Variants in DFFA observed in about 807,000 individuals in gnomAD.
DFFA encodes the protein DFF45.
DFFA carries 14 observed loss-of-function variants against 28.0 expected under a neutral mutation model. The observed-to-expected ratio is 0.50, with a 90% CI of 0.33 to 0.78. The LOEUF (loss-of-function observed/expected upper bound fraction) is 0.78. DFFA is among the 30% of genes least tolerant of loss of function. DFFA has a pLI of 0.02. For synonymous variants in DFFA, 158 were observed against 170.3 expected (o/e 0.93, Z 0.56); for missense variants, 395 against 407.1 (o/e 0.97, Z 0.26).
Position 10,461,364 on chromosome 1 carries a change from T to C in DFFA, c.*126A>G, listed in dbSNP as rs1640933907. 3 of 1,431,608 alleles carry C rather than the reference T, an allele frequency of 2.1e-6. No individual in the cohort carries two copies. Among genetic ancestry groups the C allele is most frequent in the South Asian group, 1.5e-5 (1 of 67,720 alleles). The allele number at this position is 1,431,608 out of a possible 1,614,324, so 88.7% of individuals were successfully genotyped here. On this transcript the variant is annotated 3_prime_UTR_variant, in exon 6 of 6. Coordinates refer to ENST00000377038, the MANE Select transcript of DFFA (RefSeq NM_004401.3). ...GAACGGCGTATGTTGAGACCTGGAA[T>C]AGCTTCTCTGGAAGGTGCTCTAAGG...
intron 5 of DFFA, chr1:10,462,390 C>T: frequency 1.0e-6 from 1 of 984,588 alleles, no homozygotes; most frequent in Non-Finnish European, 1.2e-6. Flanking sequence ...CCTCGGCCTC[C>T]CAAAGTACTG....
chr1:10,457,050 G>C lies in DFFA; in HGVS notation c.*4440C>G, dbSNP rs1166330803. 6.6e-6 allele frequency: 1 copy of C among 152,228 alleles called. No homozygotes were observed. Among genetic ancestry groups the C allele is most frequent in the Non-Finnish European group, 1.5e-5 (1 of 68,088 alleles). 9.4% of individuals were successfully genotyped at this position (152,228 alleles called of 1,614,324 possible). ...TCCAGCACCCCATCTGTCTGCCCCT[G>C]AGAAACGAAAGAGAACCACTCTCCA... On this transcript the variant is annotated 3_prime_UTR_variant, in exon 6 of 6. Transcript: ENST00000377038.
At chr1:10,462,151 C>A (rs545088578) in intron 5 of DFFA, among the ~76,000 whole-genome samples, 1 of 152,032 alleles carries the variant, frequency 6.6e-6, no homozygotes, top group Non-Finnish European at 1.5e-5. Flanking sequence ...AGCCACCGCG[C>A]CCAGCCTGCC....
Position 10,472,371 on chromosome 1 carries a change from C to G in DFFA, c.88G>C (p.Glu30Gln), listed in dbSNP as rs201448489. 2 of 1,611,840 alleles carry G rather than the reference C, an allele frequency of 1.2e-6. No homozygotes were observed. The highest frequency in any genetic ancestry group is 1.3e-5 in the African/African-American group (1 of 74,958). The stretch of plus-strand genomic sequence containing the variant: ...CAGGAGGCGGCCACGCCGTGCTGTT[C>G]GCGGCTGTAGTTGCGGCGCAGCAGA... Reference protein sequence around the residue: ...PCLLRRNYSREQHGVAASCLE... With the variant: ...PCLLRRNYSRQQHGVAASCLE... Residue 30 changes from glutamate to glutamine, a missense_variant, in exon 1 of 6, where the codon GAA (glutamate) becomes CAA (glutamine). Physicochemically the swap from Glu to Gln is conservative, Grantham distance 29. Coordinates refer to ENST00000377038, the MANE Select transcript of DFFA (RefSeq NM_004401.3). The surrounding 1 kb of genome is among the most constrained non-coding windows in gnomAD (Gnocchi z 5.0).
At position 10,458,817 on chromosome 1, in the gene DFFA, G is replaced by T. The variant is rs944709465; in HGVS notation, c.*2673C>A. 1 of 152,008 alleles carries T rather than the reference G, an allele frequency of 6.6e-6. No individual in the cohort carries two copies. The highest frequency in any genetic ancestry group is 2.4e-5 in the African/African-American group (1 of 41,376). The allele number at this position is 152,008 out of a possible 1,614,324, so 9.4% of individuals were successfully genotyped here. On this transcript the variant is annotated 3_prime_UTR_variant, in exon 6 of 6. Transcript: ENST00000377038. ...CTCCCAAAGTGCTGGGACTGCAGGT[G>T]TGAGCCACTGCGCCCGGCCTATTGT...
In DFFA at chr1:10,461,712, G is replaced by T. The variant is rs370194873; in HGVS notation, c.784-10C>A. Reference sequence around the variant, plus strand: ...CTTCCTTGGTAACCAACTGCAGCAAGAATAAAAACCCCTGAGAACTGGGCC... The same window carrying T: ...CTTCCTTGGTAACCAACTGCAGCAATAATAAAAACCCCTGAGAACTGGGCC... On this transcript the variant is annotated splice_polypyrimidine_tract_variant and intron_variant, in intron 5 of 5. Coordinates refer to ENST00000377038, the MANE Select transcript of DFFA (RefSeq NM_004401.3). 4.0e-5 allele frequency: 65 copies of T among 1,613,922 alleles called. No homozygotes were observed. In the African/African-American group the frequency reaches 7.3e-4, roughly 18 times the overall value.
chr1:10,465,803 T>C (rs1188530), intron 3 of DFFA, among the ~76,000 whole-genome samples: 138,608 of 151,790 alleles, frequency 0.91, 63,386 homozygotes, highest in Middle Eastern at 0.98. Flanking sequence ...GTGATCCTTC[T>C]GCCTCAGTTT....
At chr1:10,469,069 A>C in intron 2 of DFFA, 108 bp downstream of exon 2, 1 of 1,210,506 alleles carries the variant, frequency 8.3e-7, no homozygotes, top group Admixed American at 1.9e-5. Flanking sequence ...ATATCTGTTG[A>C]ACAAATGCTT....
rs1014529550 is a variant in DFFA at position 10,461,345 on chromosome 1, C to A, written c.*145G>T. On this transcript the variant is annotated 3_prime_UTR_variant, in exon 6 of 6. Coordinates refer to ENST00000377038, the MANE Select transcript of DFFA (RefSeq NM_004401.3). The stretch of plus-strand genomic sequence containing the variant: ...GCTAAAAAAAAAATTGGTGGAACGG[C>A]GTATGTTGAGACCTGGAATAGCTTC... 2 of 1,381,252 alleles carry A rather than the reference C, an allele frequency of 1.4e-6. No individual in the cohort carries two copies. The highest frequency in any genetic ancestry group is 5.1e-5 in the East Asian group (2 of 39,490). The allele number at this position is 1,381,252 out of a possible 1,614,324, so 85.6% of individuals were successfully genotyped here. A position where few individuals can be genotyped will look rare whatever the true frequency, so the allele number is the denominator to read the frequency against.
chr1:10,461,811 C>A, intron 5 of DFFA, 109 bp from the exon 6 acceptor site: 1 of 1,502,122 alleles, frequency 6.7e-7, no homozygotes, highest in Non-Finnish European at 8.9e-7. Context: ...GTTTATGTTA[C>A]CTCTTTACAC....
chr1:10,459,837 C>A lies in DFFA; in HGVS notation c.*1653G>T, dbSNP rs1640902868. The stretch of plus-strand genomic sequence containing the variant: ...TCAAGTGATACTCTCGCCTTAGCCT[C>A]CAGAGTAGCTAGGATTATAGGTCAG... On this transcript the variant is annotated 3_prime_UTR_variant, in exon 6 of 6. Coordinates refer to ENST00000377038, the MANE Select transcript of DFFA (RefSeq NM_004401.3). The A allele has an allele frequency of 6.6e-6, 1 of 151,954 alleles. No individual in the cohort carries two copies. The highest frequency in any genetic ancestry group is 2.4e-5 in the African/African-American group (1 of 41,360). The allele number at this position is 151,954 out of a possible 1,614,324, so 9.4% of individuals were successfully genotyped here.
chr1:10,462,769 C>T, intron 5 of DFFA: 1 of 1,260,858 alleles, frequency 7.9e-7, no homozygotes, highest in South Asian at 2.0e-5. Flanking sequence ...GAAGCCATCT[C>T]AGAAGATTGG....
chr1:10,462,830 A>C, intron 5 of DFFA: 1 of 1,384,328 alleles, frequency 7.2e-7, no homozygotes, highest in Non-Finnish European at 9.4e-7. Flanking sequence ...CCAACCTTGG[A>C]CCAGAGTCTG....
chr1:10,463,400 TCA>T, intron 4 of DFFA, 29 bp downstream of exon 4: 1 of 1,586,216 alleles, frequency 6.3e-7, no homozygotes, highest in Non-Finnish European at 8.6e-7. Context: ...CCCTGAATTC[TCA>T]GAGTGACTCT....
intron 1 of DFFA, among the ~76,000 whole-genome samples, chr1:10,471,864 C>T (rs917282756): frequency 2.0e-5 from 3 of 152,162 alleles, no homozygotes; most frequent in Non-Finnish European, 2.9e-5. Context: ...TTACAACTCA[C>T]GTTCCTTGTC....
In DFFA at chr1:10,458,856, ATTTC is replaced by A. The variant is rs1640892266; in HGVS notation, c.*2630_*2633del. 3 of 116,708 alleles carry A rather than the reference ATTTC, an allele frequency of 2.6e-5. No homozygotes were observed. The East Asian group carries it at 7.9e-4, about 31-fold the overall frequency. 7.2% of individuals were successfully genotyped at this position (116,708 alleles called of 1,614,324 possible). A position where few individuals can be genotyped will look rare whatever the true frequency, so the allele number is the denominator to read the frequency against. ...CCGGCCTATTGTGACATATTGTGAT[ATTTC>A]TTTCTTTTTTGTGTGACAGTGTCTC... On this transcript the variant is annotated 3_prime_UTR_variant, in exon 6 of 6. Transcript: ENST00000377038.
chr1:10,463,324 C>G, intron 4 of DFFA, 107 bp downstream of exon 4: 4 of 1,541,338 alleles, frequency 2.6e-6, no homozygotes, highest in Non-Finnish European at 3.5e-6. Context: ...CGCATCCCAG[C>G]AGCCGCGGCT....
In DFFA at chr1:10,458,431, T is replaced by G. The variant is rs1459270950; in HGVS notation, c.*3059A>C. The G allele has an allele frequency of 6.6e-6, 1 of 152,118 alleles. No homozygotes were observed. Among genetic ancestry groups the G allele is most frequent in the Non-Finnish European group, 1.5e-5 (1 of 68,048 alleles). 9.4% of individuals were successfully genotyped at this position (152,118 alleles called of 1,614,324 possible). On this transcript the variant is annotated 3_prime_UTR_variant, in exon 6 of 6. Transcript: ENST00000377038. ...AGGGCATTAGTAAAAGGATGCTGAG[T>G]AGAAGATCTAAGCCCTTCTTGAATC...
At position 10,469,188 on chromosome 1, in the gene DFFA, T is replaced by C. The variant is rs1201885929; in HGVS notation, c.287A>G (p.Tyr96Cys). 1 of 1,614,054 alleles carries C rather than the reference T, an allele frequency of 6.2e-7. No individual in the cohort carries two copies. The highest frequency in any genetic ancestry group is 1.3e-5 in the African/African-American group (1 of 74,930). ...CTAGAGTTTCTTACCTGAATTGTTG[T>C]ATGCCCATTTCTCATTACTAGCCAA... ...VALASNEKWA[Y>C]NNSDGGTAWI... The change falls in exon 2 of 6, where the codon TAC becomes TGC. Residue 96 changes from tyrosine (Y) to cysteine (C), a missense_variant. Tyr to Cys is a radical substitution (Grantham distance 194). Transcript: ENST00000377038.
Sources: gnomAD v4.1 joint callset for allele counts (sites outside exome capture counted in the v4.1 genomes callset) on GRCh38, gnomAD v4.1.1 for gene constraint, Gnocchi (gnomAD v3.1) non-coding constraint, MANE v1.5 for transcripts, NCBI Gene and HGNC (gene_info 2026-07-23, HGNC 2026-07-21) for gene names.